KAT6B: variants seen among roughly 807,000 people sequenced by gnomAD.
KAT6B encodes histone acetyltransferase KAT6B.
Under a neutral mutation model 187.5 loss-of-function variants are expected in KAT6B, and 10 were observed. That is an observed-to-expected ratio of 0.05 (90% CI 0.03 to 0.09). The LOEUF is 0.09. KAT6B is among the 10% of genes least tolerant of loss of function. The probability of loss-of-function intolerance (pLI) is 1.00; values close to 1 mark genes in which losing one functional copy is unlikely to be tolerated. For missense variants in KAT6B, 1,952 were observed against 2,558.9 expected (o/e 0.76, Z 5.12); for synonymous variants, 861 against 926.8 (o/e 0.93, Z 1.29).
chr10:74,897,109 G>A (rs927971893), intron 3 of KAT6B, among the ~76,000 whole-genome samples: 1 of 152,130 alleles, frequency 6.6e-6, no homozygotes, highest in African/African-American at 2.4e-5. Context: ...TCTATTTTCT[G>A]TTAAACAAAT....
At chr10:74,846,423 T>C (rs943700103) in intron 3 of KAT6B, among the ~76,000 whole-genome samples, 2 of 152,120 alleles carry the variant, frequency 1.3e-5, no homozygotes, top group Admixed American at 6.6e-5. Context: ...TACATATGTA[T>C]ATATATATTT....
rs776774212 is a variant in KAT6B at position 75,021,256 on chromosome 10, T to C, written c.2992T>C (p.Ser998Pro). 6.2e-7 allele frequency: 1 copy of C among 1,614,084 alleles called. No individual in the cohort carries two copies. Among genetic ancestry groups the C allele is most frequent in the African/African-American group, 1.3e-5 (1 of 74,928 alleles). The part of the protein sequence containing the change: ...TPILISNAAV[S>P]EEEREAEKEA... ...AATTTTAATTTCTAATGCTGCAGTG[T>C]CTGAAGAAGAGCGAGAAGCTGAGAA... is the stretch of plus-strand genomic sequence containing the variant. The change falls in exon 15 of 18, where the codon TCT becomes CCT. Residue 998 changes from serine (S) to proline (P), a missense_variant. Ser to Pro is a moderately conservative substitution (Grantham distance 74). This residue lies in a region of KAT6B where 758 missense variants were observed against 891.4 expected (regional missense o/e 0.85). Transcript: ENST00000287239.
intron 4 of KAT6B, among the ~76,000 whole-genome samples, chr10:74,964,847 A>G (rs577857594): frequency 3.3e-5 from 5 of 152,258 alleles, no homozygotes; most frequent in Admixed American, 1.3e-4. Flanking sequence ...ATTCTTTCAC[A>G]CCAAGGAATC....
At chr10:74,865,756 TCCTCGTGCCTTGG>T (rs1052693500) in intron 3 of KAT6B, among the ~76,000 whole-genome samples, 1 of 152,190 alleles carries the variant, frequency 6.6e-6, no homozygotes, top group African/African-American at 2.4e-5. Context: ...CCTTAAGTGA[TCCTCGTGCCTTGG>T]CCTCCCACAA....
intron 3 of KAT6B, among the ~76,000 whole-genome samples, chr10:74,915,219 C>T (rs531173563): frequency 1.3e-5 from 2 of 152,172 alleles, no homozygotes; most frequent in Non-Finnish European, 1.5e-5. Context: ...AATCAGTTGT[C>T]TAATGTATCC....
chr10:75,004,422 G>A (rs998923469), intron 13 of KAT6B, among the ~76,000 whole-genome samples: 2 of 152,184 alleles, frequency 1.3e-5, no homozygotes, highest in Non-Finnish European at 2.9e-5. Context: ...CTTAAACTCA[G>A]ATCTCCTCTC....
At chr10:74,984,644 A>G (rs1842712497) in intron 11 of KAT6B, 1 of 185,108 alleles carries the variant, frequency 5.4e-6, no homozygotes, top group South Asian at 1.1e-4. Flanking sequence ...CAGTTCATTT[A>G]TTTTAGTTTT....
chr10:74,891,802 T>C (rs1026461471), intron 3 of KAT6B, among the ~76,000 whole-genome samples: 2 of 152,228 alleles, frequency 1.3e-5, no homozygotes. Flanking sequence ...CTGGCAGAAT[T>C]AACATTGTTT....
At chr10:74,974,558 C>G (rs1842040316) in intron 7 of KAT6B, among the ~76,000 whole-genome samples, 1 of 152,170 alleles carries the variant, frequency 6.6e-6, no homozygotes, top group African/African-American at 2.4e-5. Context: ...GGCCGCTGTT[C>G]ATGTAAGCAG....
chr10:74,958,791 G>A (rs1474347549), intron 3 of KAT6B, among the ~76,000 whole-genome samples: 4 of 152,112 alleles, frequency 2.6e-5, no homozygotes, highest in South Asian at 2.1e-4. Flanking sequence ...TGTAATCCCA[G>A]CACTTTGGGA....
intron 3 of KAT6B, among the ~76,000 whole-genome samples, chr10:74,907,094 G>A (rs1001129182): frequency 7.2e-5 from 11 of 152,202 alleles, no homozygotes; most frequent in African/African-American, 2.7e-4. Context: ...TCTGCAGCGG[G>A]TGGGCTGCAA....
chr10:74,967,913 G>A (rs1438635324), intron 4 of KAT6B, among the ~76,000 whole-genome samples: 1 of 152,170 alleles, frequency 6.6e-6, no homozygotes, highest in Non-Finnish European at 1.5e-5. Context: ...TGAATGTAGA[G>A]AAAAATTCAG....
rs1253124997 is a variant in KAT6B, at chr10:74,826,733, C to T, written c.-381C>T. On this transcript the variant is annotated 5_prime_UTR_variant, in exon 1 of 18. Transcript: ENST00000287239. ...CTCCTCCAGGCGGCAGCCGCAGTTT[C>T]TCAGGCAGCGGCAGCGCCCCCGGCA... 1 of 153,286 alleles carries T rather than the reference C, an allele frequency of 6.5e-6. No individual in the cohort carries two copies. Among genetic ancestry groups the T allele is most frequent in the Non-Finnish European group, 1.5e-5 (1 of 68,074 alleles). 9.5% of individuals were successfully genotyped at this position (153,286 alleles called of 1,614,324 possible).
At chr10:74,911,915 C>A (rs1847229213) in intron 3 of KAT6B, among the ~76,000 whole-genome samples, 1 of 152,126 alleles carries the variant, frequency 6.6e-6, no homozygotes, top group African/African-American at 2.4e-5. Context: ...AAACAATCTT[C>A]CCACCTCAGC....
rs761026451 is a variant in KAT6B, at chr10:75,028,352, G to A, written c.3665-137G>A. 4 of 1,274,018 alleles carry A rather than the reference G, an allele frequency of 3.1e-6. No individual in the cohort carries two copies. The South Asian group carries it at 3.9e-5, about 12-fold the overall frequency. 78.9% of individuals were successfully genotyped at this position (1,274,018 alleles called of 1,614,324 possible). A position where few individuals can be genotyped will look rare whatever the true frequency, so the allele number is the denominator to read the frequency against. ...ATTATTACACATTAGCCTTGATTAT[G>A]TCTTTACCATCAACTTTTAACATGC... On this transcript the variant is annotated intron_variant, in intron 17 of 17. Coordinates refer to ENST00000287239, the MANE Select transcript of KAT6B (RefSeq NM_012330.4).
At chr10:74,956,674 T>G (rs573286686) in intron 3 of KAT6B, among the ~76,000 whole-genome samples, 1 of 152,326 alleles carries the variant, frequency 6.6e-6, no homozygotes, top group Non-Finnish European at 1.5e-5. Context: ...ACTTAACTTC[T>G]TAGATGCTCA....
intron 3 of KAT6B, among the ~76,000 whole-genome samples, chr10:74,906,964 G>A (rs1219070125): frequency 1.3e-5 from 2 of 152,140 alleles, no homozygotes; most frequent in South Asian, 2.1e-4. Context: ...CCCCTTTACT[G>A]CATTTCAGCA....
chr10:75,028,811 A>G lies in KAT6B; in HGVS notation c.3987A>G (p.Thr1329=), dbSNP rs1244083662. 1.9e-6 allele frequency: 3 copies of G among 1,614,164 alleles called. No homozygotes were observed. The highest frequency in any genetic ancestry group is 4.5e-5 in the East Asian group (2 of 44,884). Residue 1329 remains threonine (T), a synonymous_variant, in exon 18 of 18, where the codon ACA becomes ACG. Coordinates refer to ENST00000287239, the MANE Select transcript of KAT6B (RefSeq NM_012330.4). ...LPQEENRREE[T]CAPVSPNTSP... ...AAGAGGAAAACAGAAGGGAAGAAAC[A>G]TGTGCCCCTGTAAGTCCAAACACAT...
intron 3 of KAT6B, among the ~76,000 whole-genome samples, chr10:74,891,443 G>T (rs1386574116): frequency 6.6e-6 from 1 of 152,176 alleles, no homozygotes; most frequent in Non-Finnish European, 1.5e-5. Flanking sequence ...TTCCTTAAAT[G>T]GTACAAGGGT....
Sources: allele counts gnomAD v4.1 joint callset (sites outside exome capture counted in the v4.1 genomes callset), GRCh38; gene constraint gnomAD v4.1.1; regional missense constraint gnomAD v4.1.1; transcripts MANE v1.5; gene names NCBI Gene and HGNC (gene_info 2026-07-23, HGNC 2026-07-21).